The following CDH11 variants were observed in gnomAD, a reference collection of about 807,000 sequenced individuals.
The protein encoded by CDH11 is cadherin-11.
Under a neutral mutation model 67.8 loss-of-function variants are expected in CDH11, and 11 were observed. The observed-to-expected ratio is 0.16, with a 90% CI of 0.10 to 0.27. CDH11 has a LOEUF of 0.27. CDH11 is among the 10% of genes least tolerant of loss of function. The pLI, the probability that CDH11 is intolerant of heterozygous loss-of-function variation, is 1.00. For synonymous variants in CDH11, 419 were observed against 400.0 expected, an observed-to-expected ratio of 1.05 and a Z score of -0.57; for missense variants, 847 against 1,031.2, an observed-to-expected ratio of 0.82 and a Z score of 2.45.
chr16:65,005,145 G>A (rs2073021010), intron 2 of CDH11, 104 bp from the exon 3 acceptor site: 6 of 1,076,480 alleles, frequency 5.6e-6, no homozygotes, highest in South Asian at 3.5e-5. Flanking sequence ...TCACGTGGGA[G>A]CTACGGGCTT....
At position 64,950,780 on chromosome 16, in the gene CDH11, G is replaced by C. The variant is rs1275134194; in HGVS notation, c.1881C>G (p.Ile627Met). 6.8e-6 allele frequency: 11 copies of C among 1,613,578 alleles called. No homozygotes were observed. The African/African-American group carries it at 8.0e-5, about 12-fold the overall frequency. ...TGALIAILAC[I>M]VILLVIVVLF... Reference sequence around the variant, plus strand: ...AAGCGCCCTTACCCAGGAGAATGACGATGCAGGCGAGGATGGCGATCAGGG... The same window carrying C: ...AAGCGCCCTTACCCAGGAGAATGACCATGCAGGCGAGGATGGCGATCAGGG... Residue 627 changes from isoleucine (I) to methionine (M), a missense_variant, in exon 12 of 13, where the codon ATC becomes ATG. Physicochemically the swap from Ile to Met is conservative, Grantham distance 10. Around this residue, in one of 2 missense-constraint regions of CDH11, gnomAD observed 612 missense variants for 678.7 expected, o/e 0.90. Transcript: ENST00000268603.
Position 65,053,893 on chromosome 16 carries a change from T to C in CDH11, c.-262A>G, listed in dbSNP as rs1812662678. 2.2e-6 allele frequency: 1 copy of C among 456,076 alleles called. No homozygotes were observed. Among genetic ancestry groups the C allele is most frequent in the Non-Finnish European group, 4.4e-6 (1 of 226,792 alleles). 28.3% of individuals were successfully genotyped at this position (456,076 alleles called of 1,614,324 possible). ...CTCAACAAATGACAACACGAAGGAA[T>C]GTCACAGGGCCGCTGAGCTGAAAAC... On this transcript the variant is annotated 5_prime_UTR_variant, in exon 2 of 13. Coordinates refer to ENST00000268603, the MANE Select transcript of CDH11 (RefSeq NM_001797.4).
intron 1 of CDH11, among the ~76,000 whole-genome samples, chr16:65,071,732 G>A (rs539613674): frequency 1.3e-5 from 2 of 152,298 alleles, no homozygotes; most frequent in African/African-American, 2.4e-5. Flanking sequence ...AGGCCAAGCC[G>A]TTGAGCCATG....
intron 1 of CDH11, among the ~76,000 whole-genome samples, chr16:65,058,523 T>G (rs2074185228): frequency 6.6e-6 from 1 of 152,204 alleles, no homozygotes; most frequent in Non-Finnish European, 1.5e-5. Context: ...GGCTTCTTCC[T>G]TTTTTGAGCA....
At chr16:65,106,357 T>A (rs1310378489) in intron 1 of CDH11, among the ~76,000 whole-genome samples, 1 of 152,128 alleles carries the variant, frequency 6.6e-6, no homozygotes, top group African/African-American at 2.4e-5. Flanking sequence ...AGTTGATCAA[T>A]ACAAAACATA....
chr16:64,951,147 T>C (rs2071352848), intron 11 of CDH11, 129 bp from the exon 12 acceptor site: 1 of 905,370 alleles, frequency 1.1e-6, no homozygotes, highest in Non-Finnish European at 1.6e-6. Flanking sequence ...TCTTACTTGT[T>C]CTTTCATCTA....
At chr16:65,033,632 G>C (rs888334268) in intron 2 of CDH11, among the ~76,000 whole-genome samples, 25 of 151,782 alleles carry the variant, frequency 1.6e-4, no homozygotes, top group Non-Finnish European at 2.8e-4. Flanking sequence ...AGCTACTCGG[G>C]AGGCTGAGGC....
At chr16:64,984,446 G>A (rs555917883) in intron 7 of CDH11, among the ~76,000 whole-genome samples, 121 of 152,284 alleles carry the variant, frequency 7.9e-4, no homozygotes, top group African/African-American at 2.7e-3. Context: ...CAAGATGTGA[G>A]GTAGTTTCCC....
Position 65,004,965 on chromosome 16 carries a change from G to A in CDH11, c.-96C>T, listed in dbSNP as rs897361035. The A allele has an allele frequency of 4.9e-6, 7 of 1,434,618 alleles. No individual in the cohort carries two copies. Among genetic ancestry groups the A allele is most frequent in the African/African-American group, 2.9e-5 (2 of 68,934 alleles). 88.9% of individuals were successfully genotyped at this position (1,434,618 alleles called of 1,614,324 possible). Reference sequence around the variant, plus strand: ...GAGGGTGGCCTCCCGGACGCGTCACGCAGACCTCTCTTGGGATGGAATGTC... The same window carrying A: ...GAGGGTGGCCTCCCGGACGCGTCACACAGACCTCTCTTGGGATGGAATGTC... On this transcript the variant is annotated 5_prime_UTR_variant, in exon 3 of 13. Coordinates refer to ENST00000268603, the MANE Select transcript of CDH11 (RefSeq NM_001797.4).
At chr16:65,058,193 G>A (rs930327948) in intron 1 of CDH11, among the ~76,000 whole-genome samples, 3 of 152,190 alleles carry the variant, frequency 2.0e-5, no homozygotes, top group Admixed American at 6.5e-5. Context: ...CGGTACTCCA[G>A]CCTGGGTGAC....
intron 5 of CDH11, among the ~76,000 whole-genome samples, 192 bp downstream of exon 5, chr16:64,992,723 A>G (rs1329955103): frequency 6.6e-6 from 1 of 152,276 alleles, no homozygotes; most frequent in Non-Finnish European, 1.5e-5. Context: ...GAAAACCAAC[A>G]ATAAATGTTT....
chr16:64,992,252 A>T (rs1014668344), intron 5 of CDH11, among the ~76,000 whole-genome samples: 20 of 152,210 alleles, frequency 1.3e-4, no homozygotes, highest in Non-Finnish European at 2.9e-4. Context: ...TCCATGACTA[A>T]ACTCATACTT....
intron 2 of CDH11, among the ~76,000 whole-genome samples, chr16:65,040,774 A>G (rs532447168): frequency 1.3e-5 from 2 of 152,234 alleles, no homozygotes; most frequent in Non-Finnish European, 2.9e-5. Flanking sequence ...TTACTAATAT[A>G]TAATTCATGT....
intron 2 of CDH11, among the ~76,000 whole-genome samples, chr16:65,025,292 A>G (rs575210416): frequency 6.6e-6 from 1 of 152,332 alleles, no homozygotes; most frequent in East Asian, 1.9e-4. Context: ...CAGAAGGATG[A>G]TCAAATGCTA....
At chr16:64,990,881 A>G (rs1374432214) in intron 6 of CDH11, among the ~76,000 whole-genome samples, 2 of 152,204 alleles carry the variant, frequency 1.3e-5, no homozygotes, top group Non-Finnish European at 2.9e-5. Flanking sequence ...CCTTTAGTTC[A>G]AACAGTAATC....
Position 65,109,673 on chromosome 16 carries a change from C to G in CDH11, c.-298+12207G>C, listed in dbSNP as rs114211764. On this transcript the variant is annotated intron_variant, in intron 1 of 12. Transcript: ENST00000268603. Reference sequence around the variant, plus strand: ...TGAGATTTTTGCATTGGCTCCTTGGCTAGAGTCCATAGAAAACTTTCCCAC... The same window carrying G: ...TGAGATTTTTGCATTGGCTCCTTGGGTAGAGTCCATAGAAAACTTTCCCAC... Among the ~76,000 whole-genome samples, 423 of 152,252 alleles carry G rather than the reference C, an allele frequency of 2.8e-3. 1 individual carries two copies. Among genetic ancestry groups the G allele is most frequent in the African/African-American group, 9.8e-3 (409 of 41,548 alleles).
At chr16:64,980,197 A>T (rs1316399279) in intron 8 of CDH11, among the ~76,000 whole-genome samples, 1 of 152,214 alleles carries the variant, frequency 6.6e-6, no homozygotes, top group Non-Finnish European at 1.5e-5. Flanking sequence ...AATAAATTGT[A>T]CAAGTTGAAC....
intron 2 of CDH11, among the ~76,000 whole-genome samples, chr16:65,030,170 G>T (rs568256593): frequency 6.6e-6 from 1 of 152,260 alleles, no homozygotes; most frequent in Non-Finnish European, 1.5e-5. Context: ...CAATGTGCAA[G>T]AAATTAACTT....
At chr16:64,993,193 C>T (rs1451755979) in intron 4 of CDH11, among the ~76,000 whole-genome samples, 159 bp from the exon 5 acceptor site, 2 of 133,534 alleles carry the variant, frequency 1.5e-5, no homozygotes, top group Admixed American at 7.6e-5. Context: ...AACCAGCCAA[C>T]CAACCTTCCT....
Sources: gnomAD v4.1 joint callset for allele counts (sites outside exome capture counted in the v4.1 genomes callset) on GRCh38, gnomAD v4.1.1 for gene constraint, gnomAD v4.1.1 regional missense constraint, MANE v1.5 for transcripts, NCBI Gene and HGNC (gene_info 2026-07-23, HGNC 2026-07-21) for gene names.